RAPGEF4: variants seen among roughly 807,000 people sequenced by gnomAD.
RAPGEF4 encodes the protein Rap guanine nucleotide exchange factor 4.
A neutral mutation model predicts 147.9 loss-of-function variants in RAPGEF4; 66 were observed. The observed-to-expected ratio is 0.45, with a 90% CI of 0.37 to 0.55. RAPGEF4 has a LOEUF of 0.55. RAPGEF4 is among the 20% of genes least tolerant of loss of function. The probability of loss-of-function intolerance (pLI) is 0.00; values close to 1 mark genes in which losing one functional copy is unlikely to be tolerated. For synonymous variants in RAPGEF4, 419 were observed against 442.7 expected, an observed-to-expected ratio of 0.95 and a Z score of 0.67; for missense variants, 1,071 against 1,257.3, an observed-to-expected ratio of 0.85 and a Z score of 2.24.
intron 1 of RAPGEF4, among the ~76,000 whole-genome samples, chr2:172,780,616 A>G (rs138373153): frequency 4.0e-4 from 61 of 152,302 alleles, no homozygotes; most frequent in Middle Eastern, 6.8e-3. Context: ...CTTTAGCTCA[A>G]AATAACCATA....
At chr2:173,048,532 T>C (rs903805299) in intron 29 of RAPGEF4, 68 bp from the exon 30 acceptor site, 41 of 1,602,646 alleles carry the variant, frequency 2.6e-5, no homozygotes, top group Non-Finnish European at 3.4e-5. Flanking sequence ...AATGGTTTGT[T>C]TTCCTTTTTG....
intron 4 of RAPGEF4, chr2:172,860,070 C>T (rs755036290): frequency 7.0e-5 from 69 of 985,230 alleles, no homozygotes; most frequent in East Asian, 2.3e-4. Flanking sequence ...GCCGGGGCTA[C>T]GGCTAAAGAA....
At chr2:173,040,665 G>A (rs1214673410) in intron 29 of RAPGEF4, among the ~76,000 whole-genome samples, 3 of 152,200 alleles carry the variant, frequency 2.0e-5, no homozygotes, top group Non-Finnish European at 1.5e-5. Context: ...CTCTGAAATA[G>A]AACCAATCTC....
chr2:172,960,923 A>G, intron 7 of RAPGEF4, 110 bp downstream of exon 7: 1 of 973,894 alleles, frequency 1.0e-6, no homozygotes, highest in Non-Finnish European at 1.6e-6. Flanking sequence ...TACATTTTCT[A>G]GAGACAGGAA....
At position 172,858,337 on chromosome 2, in the gene RAPGEF4, C is replaced by T. The variant is rs74587432; in HGVS notation, c.444+43912C>T. On this transcript the variant is annotated intron_variant, in intron 4 of 30. Coordinates refer to ENST00000397081, the MANE Select transcript of RAPGEF4 (RefSeq NM_007023.4). ...TGCTCTTTTTGATTTTGTCATAGTT[C>T]ATAAGCTGATTTGTAGAGTAGTAAA... Among the ~76,000 whole-genome samples, 658 of 152,190 alleles carry T rather than the reference C, an allele frequency of 4.3e-3. 3 individuals are homozygous for T. Among genetic ancestry groups the T allele is most frequent in the African/African-American group, 0.015 (639 of 41,506 alleles).
intron 1 of RAPGEF4, among the ~76,000 whole-genome samples, chr2:172,787,268 T>G (rs1685304851): frequency 6.6e-6 from 1 of 152,166 alleles, no homozygotes; most frequent in African/African-American, 2.4e-5. Flanking sequence ...TATCAATACA[T>G]TCTAATAAAA....
At chr2:172,897,225 C>G (rs558080640) in intron 4 of RAPGEF4, among the ~76,000 whole-genome samples, 94 of 152,140 alleles carry the variant, frequency 6.2e-4, no homozygotes, top group Admixed American at 1.6e-3. Context: ...AATTCTGCAG[C>G]TTTTTCAGTA....
At chr2:172,841,006 T>C (rs896285258) in intron 4 of RAPGEF4, among the ~76,000 whole-genome samples, 2 of 152,238 alleles carry the variant, frequency 1.3e-5, no homozygotes, top group Non-Finnish European at 2.9e-5. Flanking sequence ...AAGCCTTGAA[T>C]TAACAGTGTC....
intron 4 of RAPGEF4, among the ~76,000 whole-genome samples, chr2:172,858,637 G>A (rs1468954870): frequency 1.3e-5 from 2 of 152,252 alleles, no homozygotes; most frequent in African/African-American, 2.4e-5. Context: ...AAGCTATGCA[G>A]AGTTTTAAGC....
rs75069612 is a variant in RAPGEF4 at position 172,963,411 on chromosome 2, T to G, written c.699-2151T>G. 4.0e-3 allele frequency among the ~76,000 whole-genome samples: 615 copies of G among 152,314 alleles called. 7 individuals are homozygous for G. Among genetic ancestry groups the G allele is most frequent in the African/African-American group, 0.014 (590 of 41,560 alleles). ...AAGATCTCATATGGTTAAAGGAACT[T>G]TTTCTTTTCAAAATTGTATTACTTT... On this transcript the variant is annotated intron_variant, in intron 8 of 30. Transcript: ENST00000397081.
chr2:172,906,332 C>A (rs1699627996), intron 4 of RAPGEF4, among the ~76,000 whole-genome samples: 2 of 152,150 alleles, frequency 1.3e-5, no homozygotes, highest in Admixed American at 1.3e-4. Context: ...CCAGAACAGT[C>A]CTGTGTTATT....
intron 1 of RAPGEF4, among the ~76,000 whole-genome samples, chr2:172,742,828 A>G (rs1466782213): frequency 2.0e-5 from 3 of 152,170 alleles, no homozygotes; most frequent in Admixed American, 6.5e-5. Flanking sequence ...GGTGTGCTCA[A>G]TCCACACCCT....
chr2:172,803,312 T>C (rs1687158819), intron 3 of RAPGEF4, among the ~76,000 whole-genome samples: 1 of 152,088 alleles, frequency 6.6e-6, no homozygotes, highest in South Asian at 2.1e-4. Context: ...TAGGCAGAGG[T>C]TCCCAAACCT....
intron 1 of RAPGEF4, among the ~76,000 whole-genome samples, chr2:172,780,563 C>T (rs566887568): frequency 1.2e-4 from 19 of 152,200 alleles, no homozygotes; most frequent in Admixed American, 1.2e-3. Context: ...AGGCAAATAG[C>T]GGGAGGGCAG....
chr2:172,890,540 A>G (rs1697781369), intron 4 of RAPGEF4, among the ~76,000 whole-genome samples: 1 of 152,222 alleles, frequency 6.6e-6, no homozygotes, highest in African/African-American at 2.4e-5. Context: ...TCATCCATTT[A>G]GAACTTCATC....
intron 4 of RAPGEF4, among the ~76,000 whole-genome samples, chr2:172,836,290 A>G (rs1391864329): frequency 6.6e-6 from 1 of 152,068 alleles, no homozygotes; most frequent in Non-Finnish European, 1.5e-5. Flanking sequence ...CCACATGTCT[A>G]TGGCAATTTC....
chr2:173,007,527 AT>A (rs1229470920), intron 17 of RAPGEF4, among the ~76,000 whole-genome samples: 2 of 152,204 alleles, frequency 1.3e-5, no homozygotes, highest in Non-Finnish European at 2.9e-5. Context: ...AGAATCAGTA[AT>A]AACATTGGTG....
chr2:172,754,563 T>G (rs1695587157), intron 1 of RAPGEF4, among the ~76,000 whole-genome samples: 1 of 152,188 alleles, frequency 6.6e-6, no homozygotes, highest in Non-Finnish European at 1.5e-5. Flanking sequence ...ATTTGAGGTC[T>G]GGAAAAGTTA....
chr2:172,886,654 C>T (rs1000673824), intron 4 of RAPGEF4, among the ~76,000 whole-genome samples: 1 of 150,692 alleles, frequency 6.6e-6, no homozygotes, highest in East Asian at 1.9e-4. Context: ...TCTTTTAGCT[C>T]TTTATCACAC....
Sources: gnomAD v4.1 joint callset for allele counts (sites outside exome capture counted in the v4.1 genomes callset) on GRCh38, gnomAD v4.1.1 for gene constraint, MANE v1.5 for transcripts, NCBI Gene and HGNC (gene_info 2026-07-23, HGNC 2026-07-21) for gene names.